MYLK: variants seen among roughly 807,000 people sequenced by gnomAD.
MYLK encodes myosin light chain kinase.
A neutral mutation model predicts 203.4 loss-of-function variants in MYLK; 106 were observed. That is an observed-to-expected ratio of 0.52 (90% CI 0.45 to 0.61). The LOEUF (loss-of-function observed/expected upper bound fraction) is 0.61. Ranked by LOEUF, MYLK falls within the 20% of genes least tolerant of loss-of-function variation. The pLI is 0.00. For missense variants in MYLK, 2,072 were observed against 2,442.3 expected (o/e 0.85, Z 3.20); for synonymous variants, 867 against 959.5 (o/e 0.90, Z 1.78).
At chr3:123,704,762 A>G (rs1358387757) in intron 16 of MYLK, among the ~76,000 whole-genome samples, 1 of 150,386 alleles carries the variant, frequency 6.6e-6, no homozygotes, top group African/African-American at 2.4e-5. Context: ...AAAAAAAAAA[A>G]AAAAAAAATT....
intron 2 of MYLK, among the ~76,000 whole-genome samples, chr3:123,849,881 T>C (rs956270162): frequency 6.6e-6 from 1 of 152,350 alleles, no homozygotes; most frequent in Non-Finnish European, 1.5e-5. Flanking sequence ...CTCCTAATGC[T>C]ATCCCTCTCC....
At chr3:123,869,334 C>T (rs2032573680) in intron 2 of MYLK, among the ~76,000 whole-genome samples, 1 of 152,090 alleles carries the variant, frequency 6.6e-6, no homozygotes, top group Non-Finnish European at 1.5e-5. Flanking sequence ...GTCCAAGAGG[C>T]CTTAAATTTT....
chr3:123,697,741 A>C (rs1453960291), intron 18 of MYLK, among the ~76,000 whole-genome samples: 1 of 152,228 alleles, frequency 6.6e-6, no homozygotes, highest in East Asian at 1.9e-4. Context: ...TATTCTTTAA[A>C]CACAATTTAA....
intron 18 of MYLK, among the ~76,000 whole-genome samples, chr3:123,696,218 A>G: frequency 6.6e-6 from 1 of 152,098 alleles, no homozygotes; most frequent in East Asian, 1.9e-4. Flanking sequence ...TGAAACCTAT[A>G]AACAGCACGT....
At chr3:123,729,631 C>T (rs192282486) in intron 11 of MYLK, among the ~76,000 whole-genome samples, 10 of 152,234 alleles carry the variant, frequency 6.6e-5, no homozygotes, top group African/African-American at 2.4e-4. Flanking sequence ...CCTGTAAACC[C>T]AGCACTTTAG....
intron 11 of MYLK, among the ~76,000 whole-genome samples, chr3:123,728,307 G>T (rs1326358490): frequency 1.3e-5 from 2 of 152,054 alleles, no homozygotes; most frequent in Non-Finnish European, 2.9e-5. Context: ...TTTGAAACCA[G>T]CCTGGGAAAC....
chr3:123,764,874 T>C (rs1036298103), intron 4 of MYLK, among the ~76,000 whole-genome samples: 11 of 152,164 alleles, frequency 7.2e-5, no homozygotes, highest in Non-Finnish European at 1.2e-4. Flanking sequence ...ACCACAGGCA[T>C]AGCGCGTCAG....
intron 28 of MYLK, among the ~76,000 whole-genome samples, chr3:123,639,330 G>A (rs2058751587): frequency 6.6e-6 from 1 of 152,170 alleles, no homozygotes; most frequent in South Asian, 2.1e-4. Flanking sequence ...CCTCGCCCCT[G>A]CTTACCCCTT....
rs538174890 is a variant in MYLK at position 123,733,197 on chromosome 3, G to C, written c.1310-95C>G. ...GGGAAGGTGTGAGCTGGAGGAAAGG[G>C]CTCAGTTTGGTGTGGAGCTGCCCTC... is the stretch of plus-strand genomic sequence containing the variant. On this transcript the variant is annotated intron_variant, in intron 10 of 33. Transcript: ENST00000360304. The C allele has an allele frequency of 5.8e-6, 8 of 1,387,708 alleles. No homozygotes were observed. In the African/African-American group the frequency reaches 8.6e-5, roughly 15 times the overall value. 86.0% of individuals were successfully genotyped at this position (1,387,708 alleles called of 1,614,324 possible).
At chr3:123,752,308 G>A in intron 5 of MYLK, 23 bp downstream of exon 5, 1 of 1,612,898 alleles carries the variant, frequency 6.2e-7, no homozygotes, top group Non-Finnish European at 8.5e-7. Flanking sequence ...CTCCCTCCTG[G>A]ACTCGGGCCT....
intron 2 of MYLK, among the ~76,000 whole-genome samples, chr3:123,858,585 CTCT>C (rs2031616566): frequency 1.3e-5 from 2 of 152,282 alleles, no homozygotes; most frequent in Admixed American, 6.5e-5. Context: ...GGCTCTCTTC[CTCT>C]TCTTATAACA....
chr3:123,883,941 C>T (rs866721953), intron 1 of MYLK, among the ~76,000 whole-genome samples: 13 of 152,132 alleles, frequency 8.5e-5, no homozygotes, highest in African/African-American at 3.1e-4. Context: ...ATCAAAGGCA[C>T]CCCCTTCGGA....
rs150820424 is a variant in MYLK at position 123,834,869 on chromosome 3, A to G, written c.-126-3199T>C. ...CTCCGGGAAGTAGAGATGAAGGAGG[A>G]TGCCAGGTTTCTGATGTGTCAGCTC... On this transcript the variant is annotated intron_variant, in intron 2 of 33. Transcript: ENST00000360304. Among the ~76,000 whole-genome samples the G allele has an allele frequency of 3.9e-5, 6 of 152,260 alleles. No homozygotes were observed. In the East Asian group the frequency reaches 9.7e-4, roughly 25 times the overall value.
At chr3:123,720,588 T>A (rs1485349951) in intron 13 of MYLK, among the ~76,000 whole-genome samples, 1 of 152,208 alleles carries the variant, frequency 6.6e-6, no homozygotes, top group Non-Finnish European at 1.5e-5. Flanking sequence ...CTCTGAAATC[T>A]CATTATCACA....
At chr3:123,733,582 G>C (rs1437899138) in intron 10 of MYLK, 105 bp downstream of exon 10, 17 of 1,399,886 alleles carry the variant, frequency 1.2e-5, no homozygotes, top group Non-Finnish European at 1.5e-5. Flanking sequence ...AGTCCAAGAA[G>C]ATGAGTGGAT....
chr3:123,645,323 G>T (rs976516499), intron 27 of MYLK, among the ~76,000 whole-genome samples: 1 of 152,156 alleles, frequency 6.6e-6, no homozygotes, highest in African/African-American at 2.4e-5. Context: ...GCCTACACTC[G>T]GAACTACTAT....
intron 33 of MYLK, chr3:123,617,096 C>T (rs2057542456): frequency 6.6e-6 from 1 of 152,180 alleles, no homozygotes; most frequent in African/African-American, 2.4e-5. Flanking sequence ...AAAGTACCCT[C>T]CACTCCCATG....
chr3:123,673,247 C>T (rs766808960), intron 20 of MYLK, among the ~76,000 whole-genome samples: 1 of 149,656 alleles, frequency 6.7e-6, no homozygotes, highest in Non-Finnish European at 1.5e-5. Flanking sequence ...ACTGTAGCCT[C>T]GACCTGCTGG....
chr3:123,766,324 A>G (rs966036901), intron 4 of MYLK, among the ~76,000 whole-genome samples: 2 of 152,152 alleles, frequency 1.3e-5, no homozygotes, highest in Non-Finnish European at 2.9e-5. Flanking sequence ...CTGCCTCGTG[A>G]CCACACAGGC....
Sources: allele counts gnomAD v4.1 joint callset (sites outside exome capture counted in the v4.1 genomes callset), GRCh38; gene constraint gnomAD v4.1.1; transcripts MANE v1.5; gene names NCBI Gene and HGNC (gene_info 2026-07-23, HGNC 2026-07-21).